Variants in INTU observed in about 807,000 individuals in gnomAD.
INTU encodes the protein protein inturned.
Under a neutral mutation model 100.5 loss-of-function variants are expected in INTU, and 68 were observed. That is an observed-to-expected ratio of 0.68 (90% CI 0.56 to 0.83). The LOEUF is 0.83. INTU is among the 40% of genes least tolerant of loss of function. The pLI is 0.00. For synonymous variants in INTU, 357 were observed against 395.7 expected (o/e 0.90, Z 1.16); for missense variants, 1,071 against 1,114.7 (o/e 0.96, Z 0.56).
At chr4:127,658,481 T>C (rs1299370797) in intron 3 of INTU, among the ~76,000 whole-genome samples, 1 of 152,236 alleles carries the variant, frequency 6.6e-6, no homozygotes, top group African/African-American at 2.4e-5. Context: ...AGACAGCAGC[T>C]ACTTATTGAT....
At chr4:127,654,096 T>C (rs1178616762) in intron 2 of INTU, among the ~76,000 whole-genome samples, 7 of 150,724 alleles carry the variant, frequency 4.6e-5, no homozygotes, top group Non-Finnish European at 7.4e-5. Flanking sequence ...TCCATCCTTT[T>C]ATTTTGAGCC....
intron 8 of INTU, among the ~76,000 whole-genome samples, chr4:127,695,274 C>A (rs1035001897): frequency 6.6e-6 from 1 of 152,054 alleles, no homozygotes; most frequent in Non-Finnish European, 1.5e-5. Flanking sequence ...TTTTTAATTT[C>A]AAATTCCACT....
In INTU at chr4:127,681,572, C is replaced by T. The variant is rs560906787; in HGVS notation, c.1182-2837C>T. 2.6e-3 allele frequency among the ~76,000 whole-genome samples: 396 copies of T among 152,210 alleles called. 2 individuals carry two copies. The highest frequency in any genetic ancestry group is 2.3e-3 in the Non-Finnish European group (155 of 68,014). On this transcript the variant is annotated intron_variant, in intron 6 of 15. Transcript: ENST00000335251. ...CATATGTAGAAAGCTGAAACTGGAT[C>T]GCTTCCTTACACCTTATACAAAAAT...
intron 3 of INTU, among the ~76,000 whole-genome samples, chr4:127,658,853 G>A (rs1011259133): frequency 2.6e-5 from 4 of 152,106 alleles, no homozygotes; most frequent in Admixed American, 1.3e-4. Flanking sequence ...TTGTATGCAC[G>A]ATTTCTATTA....
chr4:127,679,556 G>A (rs1431905242), intron 6 of INTU, among the ~76,000 whole-genome samples: 2 of 151,998 alleles, frequency 1.3e-5, no homozygotes, highest in South Asian at 2.1e-4. Context: ...TGAAACCAAC[G>A]AGAACAAAGA....
chr4:127,704,385 T>A, intron 10 of INTU, 95 bp downstream of exon 10: 1 of 945,722 alleles, frequency 1.1e-6, no homozygotes, highest in Non-Finnish European at 1.7e-6. Flanking sequence ...ATTTATCTCT[T>A]TTCTTTCAAA....
chr4:127,676,011 C>A, intron 6 of INTU: 1 of 192,102 alleles, frequency 5.2e-6, no homozygotes, highest in East Asian at 1.4e-4. Context: ...CCATCACAAA[C>A]AGGAATTCCA....
chr4:127,661,461 G>A (rs777945755), intron 3 of INTU, among the ~76,000 whole-genome samples: 6 of 151,944 alleles, frequency 3.9e-5, no homozygotes, highest in Non-Finnish European at 5.9e-5. Context: ...TTTCTCTGAG[G>A]ACCCGCTTTC....
Position 127,716,526 on chromosome 4 carries a change from GCTT to G in INTU, c.*94_*96del. On this transcript the variant is annotated 3_prime_UTR_variant, in exon 16 of 16. Coordinates refer to ENST00000335251, the MANE Select transcript of INTU (RefSeq NM_015693.4). The stretch of plus-strand genomic sequence containing the variant: ...TCAATACACAAAGAGATAAAGTTTA[GCTT>G]CTTTTTACTATTCAATATTGAACAT... 1 of 516,974 alleles carries G rather than the reference GCTT, an allele frequency of 1.9e-6. No individual in the cohort carries two copies. The highest frequency in any genetic ancestry group is 3.0e-5 in the East Asian group (1 of 32,862). 32.0% of individuals were successfully genotyped at this position (516,974 alleles called of 1,614,324 possible).
intron 9 of INTU, among the ~76,000 whole-genome samples, chr4:127,700,555 C>T (rs1043356810): frequency 6.6e-6 from 1 of 152,118 alleles, no homozygotes; most frequent in African/African-American, 2.4e-5. Flanking sequence ...AGAATTGGCT[C>T]ATTCAAAATT....
chr4:127,665,442 A>G (rs541551830), intron 4 of INTU, among the ~76,000 whole-genome samples: 2 of 152,078 alleles, frequency 1.3e-5, no homozygotes, highest in East Asian at 3.9e-4. Context: ...ATTTCTTTTT[A>G]GTGAAAGTGT....
intron 4 of INTU, 138 bp from the exon 5 acceptor site, chr4:127,668,898 C>A: frequency 1.9e-6 from 1 of 527,674 alleles, no homozygotes; most frequent in East Asian, 3.0e-5. Context: ...ATAGTTCTCC[C>A]CTTGTGTTTG....
At chr4:127,684,923 G>C (rs577124112) in intron 7 of INTU, among the ~76,000 whole-genome samples, 2 of 151,808 alleles carry the variant, frequency 1.3e-5, no homozygotes, top group African/African-American at 2.4e-5. Context: ...CTTCATAACA[G>C]ATACAGAAAA....
chr4:127,644,843 T>A (rs938277768), intron 2 of INTU, among the ~76,000 whole-genome samples: 3 of 152,262 alleles, frequency 2.0e-5, no homozygotes, highest in African/African-American at 7.2e-5. Flanking sequence ...GAAGAACATT[T>A]ACAGATAAAT....
intron 5 of INTU, among the ~76,000 whole-genome samples, chr4:127,669,610 A>C (rs1199753650): frequency 6.6e-6 from 1 of 151,854 alleles, no homozygotes; most frequent in Non-Finnish European, 1.5e-5. Context: ...TGAACACGAA[A>C]ATTGGTCATA....
intron 5 of INTU, among the ~76,000 whole-genome samples, chr4:127,670,179 A>G (rs1467636717): frequency 1.3e-5 from 2 of 151,886 alleles, no homozygotes; most frequent in African/African-American, 4.8e-5. Flanking sequence ...TCTAAGAATT[A>G]TAAACAATTT....
At chr4:127,664,925 C>T (rs1016214839) in intron 4 of INTU, among the ~76,000 whole-genome samples, 17 of 151,066 alleles carry the variant, frequency 1.1e-4, no homozygotes, top group African/African-American at 3.7e-4. Flanking sequence ...ATTTTTCTTA[C>T]CTATTTTTCG....
chr4:127,668,228 T>C (rs1346795559), intron 4 of INTU, among the ~76,000 whole-genome samples: 2 of 152,026 alleles, frequency 1.3e-5, no homozygotes, highest in East Asian at 3.8e-4. Context: ...TGTATGAAAG[T>C]ATTAGCACAG....
chr4:127,702,805 C>T (rs1167688913), intron 9 of INTU, among the ~76,000 whole-genome samples: 1 of 151,950 alleles, frequency 6.6e-6, no homozygotes, highest in Non-Finnish European at 1.5e-5. Flanking sequence ...CTCTCCATAC[C>T]CCCAACCTCT....
Sources: gnomAD v4.1 joint callset for allele counts (sites outside exome capture counted in the v4.1 genomes callset) on GRCh38, gnomAD v4.1.1 for gene constraint, MANE v1.5 for transcripts, NCBI Gene and HGNC (gene_info 2026-07-23, HGNC 2026-07-21) for gene names.